Variants in TYW1B observed in about 807,000 individuals in gnomAD.
TYW1B encodes the protein S-adenosyl-L-methionine-dependent tRNA 4-demethylwyosine synthase TYW1B.
In TYW1B, 73 loss-of-function variants were observed where a neutral mutation model predicts 86.9. That is an observed-to-expected ratio of 0.84 (90% CI 0.70 to 1.02). The LOEUF (loss-of-function observed/expected upper bound fraction) is 1.02, where lower values mean the gene tolerates loss of function less well. Ranked by LOEUF, TYW1B falls within the 50% of genes least tolerant of loss-of-function variation. The pLI, the probability that TYW1B is intolerant of heterozygous loss-of-function variation, is 0.00. For missense variants in TYW1B, 637 were observed against 827.4 expected (o/e 0.77, Z 2.82); for synonymous variants, 248 against 292.8 (o/e 0.85, Z 1.56).
At chr7:72,629,707 C>T (rs1252915082) in intron 11 of TYW1B, among the ~76,000 whole-genome samples, 4 of 152,046 alleles carry the variant, frequency 2.6e-5, no homozygotes, top group Admixed American at 6.6e-5. Flanking sequence ...TCATCATGCC[C>T]GGCTAAGTTT....
At chr7:72,746,896 T>C (rs1285413819) in intron 7 of TYW1B, among the ~76,000 whole-genome samples, 4 of 152,196 alleles carry the variant, frequency 2.6e-5, no homozygotes, top group Non-Finnish European at 4.4e-5. Flanking sequence ...ATGGAATGTT[T>C]TTCGTTTTAA....
At chr7:72,748,689 G>T (rs1267060516) in intron 7 of TYW1B, among the ~76,000 whole-genome samples, 2 of 151,622 alleles carry the variant, frequency 1.3e-5, no homozygotes, top group Non-Finnish European at 2.9e-5. Context: ...CAATTGATAT[G>T]ACTGACTGAT....
Position 72,575,392 on chromosome 7 carries a change from G to C in TYW1B, c.*106C>G. The C allele has an allele frequency of 3.4e-6, 5 of 1,479,506 alleles. No individual in the cohort carries two copies. The highest frequency in any genetic ancestry group is 3.6e-6 in the Non-Finnish European group (4 of 1,115,980). 91.6% of individuals were successfully genotyped at this position (1,479,506 alleles called of 1,614,324 possible). On this transcript the variant is annotated 3_prime_UTR_variant, in exon 14 of 14. Coordinates refer to ENST00000620995, the MANE Select transcript of TYW1B (RefSeq NM_001145440.3). ...TACTGCCTTATCGTCTCCTTTGTATGAAAGTATAATTTACGTAATTCGTCC... is the reference window on the plus strand; with the variant it reads ...TACTGCCTTATCGTCTCCTTTGTATCAAAGTATAATTTACGTAATTCGTCC...
In TYW1B at chr7:72,723,003, G is replaced by C. The variant is rs1786932575; in HGVS notation, c.1192+5819C>G. ...ACTGGATACCTAAGCCTTGGGAATG[G>C]ACACGGCCGCCACCTCGAAAAGGGC... On this transcript the variant is annotated intron_variant, in intron 9 of 13. Transcript: ENST00000620995. 1.0e-5 allele frequency: 7 copies of C among 700,650 alleles called. No individual in the cohort carries two copies. The South Asian group carries it at 1.2e-4, about 12-fold the overall frequency. The allele number at this position is 700,650 out of a possible 1,614,324, so 43.4% of individuals were successfully genotyped here. A position where few individuals can be genotyped will look rare whatever the true frequency, so the allele number is the denominator to read the frequency against.
intron 6 of TYW1B, among the ~76,000 whole-genome samples, chr7:72,783,111 A>G (rs1199033306): frequency 6.6e-6 from 1 of 151,604 alleles, no homozygotes; most frequent in Non-Finnish European, 1.5e-5. Flanking sequence ...CAATATTAAA[A>G]ACTCAGGTCG....
intron 8 of TYW1B, among the ~76,000 whole-genome samples, chr7:72,733,470 T>C (rs1787148107): frequency 6.6e-6 from 1 of 151,946 alleles, no homozygotes; most frequent in African/African-American, 2.4e-5. Context: ...CCATCCTGGC[T>C]AATACGGTGA....
intron 8 of TYW1B, among the ~76,000 whole-genome samples, chr7:72,734,132 C>T (rs1324691885): frequency 6.6e-6 from 1 of 152,030 alleles, no homozygotes; most frequent in East Asian, 1.9e-4. Context: ...GTGGCAGGCA[C>T]CTGTAATCCC....
chr7:72,636,192 T>C (rs1812664684), intron 11 of TYW1B, among the ~76,000 whole-genome samples: 1 of 152,260 alleles, frequency 6.6e-6, no homozygotes, highest in South Asian at 2.1e-4. Context: ...TTTTGATGCT[T>C]TGTTATGGTA....
intron 13 of TYW1B, among the ~76,000 whole-genome samples, chr7:72,594,151 A>G (rs184602908): frequency 1.1e-3 from 168 of 152,164 alleles, no homozygotes; most frequent in Non-Finnish European, 6.5e-4. Flanking sequence ...AGAAGGAAAT[A>G]ATAAAGATTA....
chr7:72,631,781 AGTGAGTTAAAT>A (rs1347589587), intron 11 of TYW1B, among the ~76,000 whole-genome samples: 5 of 152,238 alleles, frequency 3.3e-5, no homozygotes, highest in Non-Finnish European at 5.9e-5. Flanking sequence ...AGGATACAGT[AGTGAGTTAAAT>A]GTGCACACAG....
At chr7:72,676,460 CAG>C (rs530610619) in intron 11 of TYW1B, among the ~76,000 whole-genome samples, 470 of 152,250 alleles carry the variant, frequency 3.1e-3, no homozygotes, top group African/African-American at 0.011. Context: ...TGAAACACAG[CAG>C]AGTCTCAACA....
intron 13 of TYW1B, among the ~76,000 whole-genome samples, chr7:72,598,198 T>C (rs1266938232): frequency 6.6e-6 from 1 of 152,054 alleles, no homozygotes; most frequent in Non-Finnish European, 1.5e-5. Flanking sequence ...CAGAAAAACA[T>C]GAAAAGGTGA....
In TYW1B at chr7:72,616,779, G is replaced by T. The variant is rs1554436975; in HGVS notation, c.1678C>A (p.His560Asn). 1 of 1,614,168 alleles carries T rather than the reference G, an allele frequency of 6.2e-7. No individual in the cohort carries two copies. The highest frequency in any genetic ancestry group is 1.7e-5 in the Admixed American group (1 of 60,010). ...CGGACAAACTGTACCACTTCCTCAT[G>T]CCAGGGCACATGGGCCATGGTAAGA... ...SSLTMAHVPW[H>N]EEVVQFVREL... The change falls in exon 13 of 14, where the codon CAT becomes AAT. Residue 560 changes from histidine (H) to asparagine (N), a missense_variant. His to Asn is a moderately conservative substitution (Grantham distance 68, BLOSUM62 1). Coordinates refer to ENST00000620995, the MANE Select transcript of TYW1B (RefSeq NM_001145440.3).
intron 9 of TYW1B, among the ~76,000 whole-genome samples, chr7:72,717,146 C>T (rs1786804430): frequency 6.6e-6 from 1 of 151,658 alleles, no homozygotes; most frequent in Non-Finnish European, 1.5e-5. Flanking sequence ...ACTAAAAATA[C>T]AAAAATTAGC....
At chr7:72,652,056 G>A (rs1439256987) in intron 11 of TYW1B, among the ~76,000 whole-genome samples, 2 of 151,946 alleles carry the variant, frequency 1.3e-5, no homozygotes, top group African/African-American at 4.8e-5. Context: ...AAGACTACAG[G>A]CAGCAGCCAC....
intron 10 of TYW1B, among the ~76,000 whole-genome samples, chr7:72,709,655 G>A (rs782792322): frequency 9.9e-5 from 15 of 151,970 alleles, no homozygotes; most frequent in South Asian, 2.1e-4. Context: ...GTGACAGAGC[G>A]AGACTCCGTC....
At chr7:72,703,270 C>A (rs1472499121) in intron 10 of TYW1B, among the ~76,000 whole-genome samples, 2 of 151,126 alleles carry the variant, frequency 1.3e-5, no homozygotes, top group East Asian at 4.0e-4. Context: ...ATGATCTGCC[C>A]GCCTCGGCCT....
chr7:72,634,486 G>C (rs1812620834), intron 11 of TYW1B, among the ~76,000 whole-genome samples: 1 of 149,788 alleles, frequency 6.7e-6, no homozygotes. Context: ...AACGTGCCCA[G>C]CTGTACTTGT....
At chr7:72,743,866 A>C (rs1268813671) in intron 8 of TYW1B, among the ~76,000 whole-genome samples, 5 of 151,744 alleles carry the variant, frequency 3.3e-5, no homozygotes, top group African/African-American at 1.2e-4. Context: ...AAAAGAAAGA[A>C]AAGAAAAAGA....
Sources: gnomAD v4.1 joint callset for allele counts (sites outside exome capture counted in the v4.1 genomes callset) on GRCh38, gnomAD v4.1.1 for gene constraint, MANE v1.5 for transcripts, NCBI Gene and HGNC (gene_info 2026-07-23, HGNC 2026-07-21) for gene names.